ADRA1A: variants seen among roughly 807,000 people sequenced by gnomAD.
The protein encoded by ADRA1A is adrenoceptor alpha 1A, also known as alpha-1A adrenergic receptor.
Under a neutral mutation model 29.6 loss-of-function variants are expected in ADRA1A, and 31 were observed. That is an observed-to-expected ratio of 1.05 (90% CI 0.79 to 1.41). The LOEUF (loss-of-function observed/expected upper bound fraction) is 1.41, where lower values mean the gene tolerates loss of function less well. Among genes scored for constraint, ADRA1A ranks in the 40% most tolerant of loss-of-function variants. The pLI is 0.00. For synonymous variants in ADRA1A, 311 were observed against 254.3 expected (o/e 1.22, Z -2.12); for missense variants, 619 against 601.1 (o/e 1.03, Z -0.31).
chr8:26,749,559 G>A (rs138568802), intron 2 of ADRA1A, among the ~76,000 whole-genome samples: 8 of 152,314 alleles, frequency 5.3e-5, no homozygotes, highest in African/African-American at 1.4e-4. Context: ...GGTAAGGGTG[G>A]TTACCTTTAG....
chr8:26,761,105 A>T (rs1434078975), downstream of ADRA1A, among the ~76,000 whole-genome samples: 2 of 152,260 alleles, frequency 1.3e-5, no homozygotes, highest in African/African-American at 4.8e-5. Context: ...TTGAGAAGAC[A>T]GAACTTATAT....
chr8:26,810,041 G>A lies in ADRA1A; in HGVS notation c.884-39375C>T, dbSNP rs569976889. Reference sequence around the variant, plus strand: ...AGAGGGAGATCTGCCCTTGAAAACCGGCTGCCCTTATTACTTCCTGCCTTT... The same window carrying A: ...AGAGGGAGATCTGCCCTTGAAAACCAGCTGCCCTTATTACTTCCTGCCTTT... On this transcript the variant is annotated intron_variant, in intron 2 of 2. Transcript: ENST00000380573. Among the ~76,000 whole-genome samples, 4 of 152,242 alleles carry A rather than the reference G, an allele frequency of 2.6e-5. No individual in the cohort carries two copies. In the South Asian group the frequency reaches 8.3e-4, roughly 32 times the overall value.
At chr8:26,763,250 C>G (rs1321639775), downstream of ADRA1A, among the ~76,000 whole-genome samples, 1 of 152,152 alleles carries the variant, frequency 6.6e-6, no homozygotes, top group Non-Finnish European at 1.5e-5. This position sits in a 1 kb window ranked among gnomAD's most constrained non-coding sequence, Gnocchi z 4.5. Flanking sequence ...TCCCAAGGAG[C>G]CAAGTGTGGC....
rs1225567341 is a variant in ADRA1A, at chr8:26,815,325, C to CTT, written c.884-44661_884-44660dup. On this transcript the variant is annotated intron_variant, in intron 2 of 2. Transcript: ENST00000380573. This position sits in a 1 kb window ranked among gnomAD's most constrained non-coding sequence, Gnocchi z 4.2. ...AGAGTGGAAAAAGTTGATAAGCTTT[C>CTT]TTTTACATGCATGGTTAGGTTTGCA... Among the ~76,000 whole-genome samples, 1 of 152,156 alleles carries CTT rather than the reference C, an allele frequency of 6.6e-6. No individual in the cohort carries two copies. Among genetic ancestry groups the CTT allele is most frequent in the Non-Finnish European group, 1.5e-5 (1 of 68,010 alleles).
chr8:26,866,835 G>T lies in ADRA1A; in HGVS notation c.-687+101C>A. 1 of 984,682 alleles carries T rather than the reference G, an allele frequency of 1.0e-6. No individual in the cohort carries two copies. Among genetic ancestry groups the T allele is most frequent in the Non-Finnish European group, 1.2e-6 (1 of 829,226 alleles). The allele number at this position is 984,682 out of a possible 1,614,324, so 61.0% of individuals were successfully genotyped here. A position where few individuals can be genotyped will look rare whatever the true frequency, so the allele number is the denominator to read the frequency against. On this transcript the variant is annotated intron_variant, in intron 1 of 2. Transcript: ENST00000380573. This position sits in a 1 kb window ranked among gnomAD's most constrained non-coding sequence, Gnocchi z 5.7. ...CGGTATAAAACCTGGTGGAAAAAGC[G>T]GGAGGCGCTGGGAAAAGTGGGGGTT...
intron 2 of ADRA1A, among the ~76,000 whole-genome samples, chr8:26,845,350 A>G (rs1163938372): frequency 6.6e-6 from 1 of 152,254 alleles, no homozygotes; most frequent in Non-Finnish European, 1.5e-5. Context: ...ACTCAGCATT[A>G]TTAGTCATTA....
At position 26,864,529 on chromosome 8, in the gene ADRA1A, C is replaced by T. The variant is rs1180850671; in HGVS notation, c.441G>A (p.Leu147=). Reference sequence around the variant, plus strand: ...CCAGGGAGAGTGCCCAGACGCAGAGCAGAGCCATGAGACCCCTCCTCTGGG... The same window carrying T: ...CCAGGGAGAGTGCCCAGACGCAGAGTAGAGCCATGAGACCCCTCCTCTGGG... ...IVTQRRGLMA[L]LCVWALSLVI... is the part of the protein sequence containing the mutation. Residue 147 remains leucine (L), a synonymous_variant, in exon 2 of 3, where the codon CTG becomes CTA. Transcript: ENST00000380573. The surrounding 1 kb of genome is among the most constrained non-coding windows in gnomAD (Gnocchi z 8.1). The T allele has an allele frequency of 6.2e-7, 1 of 1,614,116 alleles. No homozygotes were observed. The highest frequency in any genetic ancestry group is 1.1e-5 in the South Asian group (1 of 91,078).
At chr8:26,790,260 G>A (rs528822966) in intron 2 of ADRA1A, among the ~76,000 whole-genome samples, 7 of 152,256 alleles carry the variant, frequency 4.6e-5, no homozygotes, top group African/African-American at 1.7e-4. Flanking sequence ...ATACACAATA[G>A]AATACTACTC....
chr8:26,811,315 C>T (rs1263196585), intron 2 of ADRA1A, among the ~76,000 whole-genome samples: 1 of 152,168 alleles, frequency 6.6e-6, no homozygotes, highest in Non-Finnish European at 1.5e-5. Flanking sequence ...GCCTCAGCCT[C>T]CTGAGTAGCT....
chr8:26,863,352 A>G (rs1813622077), intron 2 of ADRA1A, among the ~76,000 whole-genome samples: 1 of 152,216 alleles, frequency 6.6e-6, no homozygotes, highest in Non-Finnish European at 1.5e-5. Context: ...TGTGTACTGT[A>G]TTATTTTCAA....
At chr8:26,838,843 T>C (rs796667180) in intron 2 of ADRA1A, among the ~76,000 whole-genome samples, 12 of 152,338 alleles carry the variant, frequency 7.9e-5, no homozygotes, top group African/African-American at 2.9e-4. Context: ...CCCTCCTTAA[T>C]GTCTGCATAG....
Position 26,860,200 on chromosome 8 carries a change from T to A in ADRA1A, c.883+3887A>T, listed in dbSNP as rs878331. Among the ~76,000 whole-genome samples, 133,957 of 152,058 alleles carry A rather than the reference T, an allele frequency of 0.88. 59,797 individuals are homozygous for A. Among genetic ancestry groups the A allele is most frequent in the Non-Finnish European group, 0.95 (64,925 of 68,006 alleles). ...AAATCCAAGAGCGGGCTATGACTAG[T>A]CAGAGCATCCACCTCCCCTAGATGA... On this transcript the variant is annotated intron_variant, in intron 2 of 2. Coordinates refer to ENST00000380573, the MANE Select transcript of ADRA1A (RefSeq NM_000680.4). This position sits in a 1 kb window ranked among gnomAD's most constrained non-coding sequence, Gnocchi z 4.7.
chr8:26,830,150 C>A (rs565830067), intron 2 of ADRA1A, among the ~76,000 whole-genome samples: 1 of 152,348 alleles, frequency 6.6e-6, no homozygotes, highest in Admixed American at 6.5e-5. Flanking sequence ...ACCTCCCACC[C>A]AGAGCTGACC....
At position 26,821,232 on chromosome 8, in the gene ADRA1A, C is replaced by T. The variant is rs1810149990; in HGVS notation, c.883+42855G>A. Among the ~76,000 whole-genome samples, 1 of 152,228 alleles carries T rather than the reference C, an allele frequency of 6.6e-6. No homozygotes were observed. Among genetic ancestry groups the T allele is most frequent in the South Asian group, 2.1e-4 (1 of 4,812 alleles). On this transcript the variant is annotated intron_variant, in intron 2 of 2. Coordinates refer to ENST00000380573, the MANE Select transcript of ADRA1A (RefSeq NM_000680.4). This position sits in a 1 kb window ranked among gnomAD's most constrained non-coding sequence, Gnocchi z 5.6. Reference sequence around the variant, plus strand: ...TGTTGCTATGAAGAAATACCCGAGGCTGGATGAGTTATAAAGAAAGAGGTT... The same window carrying T: ...TGTTGCTATGAAGAAATACCCGAGGTTGGATGAGTTATAAAGAAAGAGGTT...
chr8:26,832,769 G>A (rs1811076149), intron 2 of ADRA1A, among the ~76,000 whole-genome samples: 1 of 152,158 alleles, frequency 6.6e-6, no homozygotes, highest in African/African-American at 2.4e-5. Context: ...CACCTGTGGG[G>A]GAGGGAGGCA....
chr8:26,844,932 A>C (rs374261630), intron 2 of ADRA1A, among the ~76,000 whole-genome samples: 16 of 152,352 alleles, frequency 1.1e-4, no homozygotes, highest in African/African-American at 3.4e-4. Flanking sequence ...GAGCTTTAAA[A>C]AATTGGAAAA....
intron 2 of ADRA1A, among the ~76,000 whole-genome samples, chr8:26,817,700 C>A (rs1303286044): frequency 6.6e-6 from 1 of 152,090 alleles, no homozygotes; most frequent in East Asian, 1.9e-4. Flanking sequence ...ATTGATTGAG[C>A]CTGGGAGGTT....
intron 2 of ADRA1A, among the ~76,000 whole-genome samples, chr8:26,834,689 T>A (rs1392387564): frequency 6.6e-6 from 1 of 152,204 alleles, no homozygotes; most frequent in African/African-American, 2.4e-5. Flanking sequence ...ACTTTGGACC[T>A]GTATTCCTCT....
rs1457136004 is a variant in ADRA1A, at chr8:26,866,580, G to A, written c.-687+356C>T. Among the ~76,000 whole-genome samples, 5 of 152,176 alleles carry A rather than the reference G, an allele frequency of 3.3e-5. No homozygotes were observed. The highest frequency in any genetic ancestry group is 5.9e-5 in the Non-Finnish European group (4 of 68,038). On this transcript the variant is annotated intron_variant, in intron 1 of 2. Coordinates refer to ENST00000380573, the MANE Select transcript of ADRA1A (RefSeq NM_000680.4). The surrounding 1 kb of genome is among the most constrained non-coding windows in gnomAD (Gnocchi z 5.7). ...GACTCGGCAGGACAGCGCGGCGTGAGGAAGTGCCCACCTTGCCTTCTGGGG... is the reference window on the plus strand; with the variant it reads ...GACTCGGCAGGACAGCGCGGCGTGAAGAAGTGCCCACCTTGCCTTCTGGGG...
Sources: gnomAD v4.1 joint callset for allele counts (sites outside exome capture counted in the v4.1 genomes callset) on GRCh38, gnomAD v4.1.1 for gene constraint, Gnocchi (gnomAD v3.1) non-coding constraint, MANE v1.5 for transcripts, NCBI Gene and HGNC (gene_info 2026-07-23, HGNC 2026-07-21) for gene names.